EPHA3: variants seen among roughly 807,000 people sequenced by gnomAD.
EPHA3 encodes the protein EPH receptor A3.
A neutral mutation model predicts 107.1 loss-of-function variants in EPHA3; 42 were observed. The ratio of observed to expected loss-of-function variants is 0.39; its 90% CI spans 0.31 to 0.51. The LOEUF (loss-of-function observed/expected upper bound fraction) is 0.51. Ranked by LOEUF, EPHA3 falls within the 20% of genes least tolerant of loss-of-function variation. EPHA3 has a pLI of 0.78. For missense variants in EPHA3, 1,183 were observed against 1,211.2 expected (o/e 0.98, Z 0.35); for synonymous variants, 461 against 424.8 (o/e 1.09, Z -1.05).
At position 89,363,391 on chromosome 3, in the gene EPHA3, G is replaced by A. The variant is rs1287966962; in HGVS notation, c.1306+21301G>A. Among the ~76,000 whole-genome samples, 3 of 150,716 alleles carry A rather than the reference G, an allele frequency of 2.0e-5. 1 individual carries two copies. Among genetic ancestry groups the A allele is most frequent in the Non-Finnish European group, 4.5e-5 (3 of 67,294 alleles). On this transcript the variant is annotated intron_variant, in intron 5 of 16. Coordinates refer to ENST00000336596, the MANE Select transcript of EPHA3 (RefSeq NM_005233.6). ...GGTAAGCTGATAGGCTGGAAACCTAGGGAACAGCTGACATTGCAGCTTGAG... is the reference window on the plus strand; with the variant it reads ...GGTAAGCTGATAGGCTGGAAACCTAAGGAACAGCTGACATTGCAGCTTGAG...
At chr3:89,133,781 G>C (rs906019923) in intron 2 of EPHA3, among the ~76,000 whole-genome samples, 10 of 152,126 alleles carry the variant, frequency 6.6e-5, no homozygotes, top group African/African-American at 2.4e-4. Context: ...AATCTTTGAA[G>C]TAATGGCTTC....
At chr3:89,319,153 C>G (rs573672650) in intron 3 of EPHA3, among the ~76,000 whole-genome samples, 1 of 151,960 alleles carries the variant, frequency 6.6e-6, no homozygotes, top group South Asian at 2.1e-4. Flanking sequence ...GGTCTAAATG[C>G]CATTTTCTTC....
At chr3:89,200,935 T>C (rs1576224965) in intron 2 of EPHA3, among the ~76,000 whole-genome samples, 1 of 152,164 alleles carries the variant, frequency 6.6e-6, no homozygotes, top group Non-Finnish European at 1.5e-5. Context: ...CCTTGTGCCC[T>C]GAGCTGCTGG....
chr3:89,471,746 T>C (rs1288365995), intron 15 of EPHA3, among the ~76,000 whole-genome samples: 1 of 151,916 alleles, frequency 6.6e-6, no homozygotes, highest in African/African-American at 2.4e-5. Flanking sequence ...TGTGTGTATG[T>C]GTGTGTGTAT....
intron 2 of EPHA3, among the ~76,000 whole-genome samples, chr3:89,134,024 A>ATTTTTTTTTTTTT (rs58260720): frequency 6.9e-6 from 1 of 143,938 alleles, no homozygotes; most frequent in Non-Finnish European, 1.5e-5. Flanking sequence ...TCAAAACAAC[A>ATTTTTTTTTTTTT]TTTTTTTTTT....
chr3:89,275,794 A>G (rs1289366912), intron 3 of EPHA3, among the ~76,000 whole-genome samples: 1 of 152,042 alleles, frequency 6.6e-6, no homozygotes, highest in Non-Finnish European at 1.5e-5. Flanking sequence ...TATTTTATTC[A>G]TTGACTCAAT....
At chr3:89,339,239 C>G (rs532610964) in intron 3 of EPHA3, among the ~76,000 whole-genome samples, 1 of 151,876 alleles carries the variant, frequency 6.6e-6, no homozygotes, top group Non-Finnish European at 1.5e-5. Context: ...GGCCTGGTGG[C>G]GCACGCCTGT....
chr3:89,461,080 G>T, intron 15 of EPHA3, among the ~76,000 whole-genome samples: 2 of 100,562 alleles, frequency 2.0e-5, no homozygotes, highest in African/African-American at 4.5e-5. Context: ...TGCGGTGTTT[G>T]GTTTTTTATT....
intron 2 of EPHA3, among the ~76,000 whole-genome samples, chr3:89,165,201 A>G (rs756603574): frequency 2.6e-5 from 4 of 152,208 alleles, no homozygotes; most frequent in Non-Finnish European, 5.9e-5. Flanking sequence ...TTTTGTAGCT[A>G]CAATTGAAAC....
intron 3 of EPHA3, among the ~76,000 whole-genome samples, chr3:89,340,705 G>A (rs1400497927): frequency 6.6e-6 from 1 of 152,188 alleles, no homozygotes. Flanking sequence ...TAAATCTTGT[G>A]TGTGTGTTTT....
intron 3 of EPHA3, among the ~76,000 whole-genome samples, chr3:89,280,140 A>C (rs1705906115): frequency 6.6e-6 from 1 of 152,168 alleles, no homozygotes; most frequent in Non-Finnish European, 1.5e-5. Flanking sequence ...GTAATGGCAT[A>C]AATATTAAAA....
intron 11 of EPHA3, among the ~76,000 whole-genome samples, chr3:89,425,085 T>C (rs1254766774): frequency 6.6e-6 from 1 of 151,378 alleles, no homozygotes; most frequent in Non-Finnish European, 1.5e-5. Context: ...ACAAATGGGC[T>C]TGGTCTTTGC....
At chr3:89,405,983 C>A (rs1319941921) in intron 7 of EPHA3, among the ~76,000 whole-genome samples, 3 of 152,006 alleles carry the variant, frequency 2.0e-5, no homozygotes, top group Admixed American at 2.0e-4. Flanking sequence ...TTTTCCTATG[C>A]AAAACTTTTA....
At chr3:89,294,050 T>A (rs1706283766) in intron 3 of EPHA3, among the ~76,000 whole-genome samples, 1 of 152,224 alleles carries the variant, frequency 6.6e-6, no homozygotes, top group Non-Finnish European at 1.5e-5. Context: ...TCTTAGTTCA[T>A]ACATAATAGA....
At chr3:89,419,826 C>G (rs1017872005) in intron 11 of EPHA3, among the ~76,000 whole-genome samples, 1 of 151,284 alleles carries the variant, frequency 6.6e-6, no homozygotes, top group African/African-American at 2.4e-5. Flanking sequence ...TGCATCCCTG[C>G]CTTTAGGAAA....
At chr3:89,388,227 A>G (rs185540192) in intron 5 of EPHA3, among the ~76,000 whole-genome samples, 5 of 152,274 alleles carry the variant, frequency 3.3e-5, no homozygotes, top group African/African-American at 1.2e-4. Flanking sequence ...GCCAGAAAAT[A>G]TGCTGTATAC....
chr3:89,400,883 T>C (rs1176463753), intron 7 of EPHA3, among the ~76,000 whole-genome samples: 1 of 152,004 alleles, frequency 6.6e-6, no homozygotes, highest in South Asian at 2.1e-4. Context: ...CCTAGAAAGA[T>C]GAGCAAAGAT....
intron 3 of EPHA3, among the ~76,000 whole-genome samples, chr3:89,249,851 C>T (rs1457977916): frequency 2.6e-5 from 4 of 152,126 alleles, no homozygotes; most frequent in Admixed American, 1.3e-4. Context: ...ATAATTGTTT[C>T]CTGGCCAACA....
At position 89,116,186 on chromosome 3, in the gene EPHA3, A is replaced by T. The variant is rs185077103; in HGVS notation, c.88+8350A>T. 4.6e-5 allele frequency among the ~76,000 whole-genome samples: 7 copies of T among 151,934 alleles called. No homozygotes were observed. The East Asian group carries it at 1.4e-3, about 30-fold the overall frequency. Reference sequence around the variant, plus strand: ...TGTGTTCCTTTCCTGACACTCAAACACTCCTTTCATCACCCTGGAAAGAAG... The same window carrying T: ...TGTGTTCCTTTCCTGACACTCAAACTCTCCTTTCATCACCCTGGAAAGAAG... On this transcript the variant is annotated intron_variant, in intron 1 of 16. Transcript: ENST00000336596.
Sources: allele counts gnomAD v4.1 joint callset (sites outside exome capture counted in the v4.1 genomes callset), GRCh38; gene constraint gnomAD v4.1.1; transcripts MANE v1.5; gene names NCBI Gene and HGNC (gene_info 2026-07-23, HGNC 2026-07-21).